ZMAT4: variants seen among roughly 807,000 people sequenced by gnomAD.
ZMAT4 encodes the protein zinc finger matrin-type 4.
In ZMAT4, 17 loss-of-function variants were observed where a neutral mutation model predicts 28.7. The observed-to-expected ratio is 0.59, with a 90% confidence interval of 0.41 to 0.89. The LOEUF (loss-of-function observed/expected upper bound fraction) is 0.89. ZMAT4 is among the 40% of genes least tolerant of loss of function. The pLI is 0.00. For synonymous variants in ZMAT4, 117 were observed against 109.2 expected, an observed-to-expected ratio of 1.07 and a Z score of -0.44; for missense variants, 240 against 283.8, an observed-to-expected ratio of 0.85 and a Z score of 1.11.
chr8:40,831,224 A>T (rs549939463), intron 1 of ZMAT4, among the ~76,000 whole-genome samples: 6 of 152,282 alleles, frequency 3.9e-5, no homozygotes, highest in African/African-American at 1.4e-4. Context: ...TCCTCCTGCC[A>T]GCTGAAACTC....
Position 40,532,163 on chromosome 8 carries a change from C to T in ZMAT4, c.*60G>A, listed in dbSNP as rs538784959. On this transcript the variant is annotated 3_prime_UTR_variant, in exon 7 of 7. Transcript: ENST00000297737. Reference sequence around the variant, plus strand: ...GAAGCCTCCTCTGGTGGTTGATAAGCAATTCTCCACGGCAGAGAAATGCTA... The same window carrying T: ...GAAGCCTCCTCTGGTGGTTGATAAGTAATTCTCCACGGCAGAGAAATGCTA... 1.5e-5 allele frequency: 22 copies of T among 1,498,516 alleles called. No individual in the cohort carries two copies. In the South Asian group the frequency reaches 2.9e-4, roughly 20 times the overall value. 92.8% of individuals were successfully genotyped at this position (1,498,516 alleles called of 1,614,324 possible).
intron 3 of ZMAT4, among the ~76,000 whole-genome samples, chr8:40,729,078 T>C (rs1811425727): frequency 6.6e-6 from 1 of 152,238 alleles, no homozygotes; most frequent in Admixed American, 6.5e-5. Flanking sequence ...TGTTTCTTTG[T>C]TCAACCGTTT....
intron 4 of ZMAT4, among the ~76,000 whole-genome samples, chr8:40,679,928 T>C (rs914760640): frequency 6.6e-6 from 1 of 152,180 alleles, no homozygotes; most frequent in Non-Finnish European, 1.5e-5. Flanking sequence ...TAAAGAAATA[T>C]GGTAACCAAG....
chr8:40,617,342 G>T (rs968923386), intron 5 of ZMAT4, among the ~76,000 whole-genome samples: 1 of 152,188 alleles, frequency 6.6e-6, no homozygotes, highest in African/African-American at 2.4e-5. Context: ...ACCAATCAGT[G>T]CCCCAAGGCT....
Position 40,628,630 on chromosome 8 carries a change from A to T in ZMAT4, c.577+46074T>A, listed in dbSNP as rs370520546. On this transcript the variant is annotated intron_variant, in intron 5 of 6. Coordinates refer to ENST00000297737, the MANE Select transcript of ZMAT4 (RefSeq NM_024645.3). The stretch of plus-strand genomic sequence containing the variant: ...AGGTGTGAAATTTTGTGTGGAAAGG[A>T]GGGAAGGAGGAATTGGTGGAGGGGT... Among the ~76,000 whole-genome samples the T allele has an allele frequency of 1.4e-4, 21 of 152,198 alleles. No individual in the cohort carries two copies. In the East Asian group the frequency reaches 1.9e-3, roughly 14 times the overall value.
chr8:40,798,383 T>G (rs1814683706), intron 2 of ZMAT4, among the ~76,000 whole-genome samples: 1 of 152,216 alleles, frequency 6.6e-6, no homozygotes, highest in African/African-American at 2.4e-5. Flanking sequence ...GCCAGGCTCT[T>G]TAATGTATGA....
At chr8:40,548,943 T>C (rs966217423) in intron 6 of ZMAT4, among the ~76,000 whole-genome samples, 3 of 152,152 alleles carry the variant, frequency 2.0e-5, no homozygotes, top group Non-Finnish European at 2.9e-5. Context: ...CAATACCATT[T>C]GCTATGGTCT....
chr8:40,650,282 A>G (rs1161058163), intron 5 of ZMAT4, among the ~76,000 whole-genome samples: 1 of 152,064 alleles, frequency 6.6e-6, no homozygotes, highest in Non-Finnish European at 1.5e-5. Flanking sequence ...CTACCATCAG[A>G]GAATACTACA....
At chr8:40,544,914 T>C (rs1439395062) in intron 6 of ZMAT4, among the ~76,000 whole-genome samples, 1 of 152,190 alleles carries the variant, frequency 6.6e-6, no homozygotes, top group Non-Finnish European at 1.5e-5. Context: ...TCCTTGAGTG[T>C]AGGCTGGGTC....
intron 1 of ZMAT4, among the ~76,000 whole-genome samples, chr8:40,843,299 T>C (rs1481700994): frequency 6.6e-6 from 1 of 152,196 alleles, no homozygotes; most frequent in East Asian, 1.9e-4. Flanking sequence ...CTCCAGTCAC[T>C]GCTCGACCCC....
intron 6 of ZMAT4, among the ~76,000 whole-genome samples, chr8:40,533,731 A>G (rs151313993): frequency 6.6e-5 from 10 of 152,372 alleles, no homozygotes; most frequent in Non-Finnish European, 1.3e-4. Context: ...TAGCTTTGAA[A>G]TGTTTGAAAT....
chr8:40,682,758 T>C (rs964827890), intron 4 of ZMAT4, among the ~76,000 whole-genome samples: 2 of 152,226 alleles, frequency 1.3e-5, no homozygotes, highest in African/African-American at 4.8e-5. Flanking sequence ...ACTGCATTCA[T>C]ATATCGTCAG....
At chr8:40,825,235 C>T (rs1815988343) in intron 2 of ZMAT4, among the ~76,000 whole-genome samples, 2 of 152,122 alleles carry the variant, frequency 1.3e-5, no homozygotes, top group African/African-American at 4.8e-5. Context: ...GGAGCTGGCA[C>T]AATGCATTGC....
At chr8:40,577,287 A>G (rs986807386) in intron 6 of ZMAT4, among the ~76,000 whole-genome samples, 1 of 152,254 alleles carries the variant, frequency 6.6e-6, no homozygotes, top group African/African-American at 2.4e-5. Flanking sequence ...GTGTCCATCA[A>G]TAGATGAATG....
intron 1 of ZMAT4, among the ~76,000 whole-genome samples, chr8:40,874,649 G>T (rs1817979623): frequency 6.6e-6 from 1 of 152,200 alleles, no homozygotes; most frequent in African/African-American, 2.4e-5. Context: ...TTTCTCTGTA[G>T]CCCTCTCAGG....
At chr8:40,546,003 A>C (rs1343726149) in intron 6 of ZMAT4, among the ~76,000 whole-genome samples, 3 of 151,760 alleles carry the variant, frequency 2.0e-5, no homozygotes, top group Non-Finnish European at 2.9e-5. Context: ...CACCATCAGC[A>C]TCAGGCTGTT....
At chr8:40,580,776 T>C (rs947040965) in intron 6 of ZMAT4, among the ~76,000 whole-genome samples, 4 of 152,222 alleles carry the variant, frequency 2.6e-5, no homozygotes, top group African/African-American at 9.6e-5. Flanking sequence ...GGATTTGTTA[T>C]GTTTCTATAA....
chr8:40,894,067 C>T (rs1458069180), intron 1 of ZMAT4, among the ~76,000 whole-genome samples: 2 of 152,236 alleles, frequency 1.3e-5, no homozygotes, highest in African/African-American at 4.8e-5. Flanking sequence ...GAGAGCACAG[C>T]AGGCAAATTT....
rs185564651 is a variant in ZMAT4 at position 40,602,902 on chromosome 8, T to G, written c.578-21641A>C. Among the ~76,000 whole-genome samples the G allele has an allele frequency of 4.5e-3, 687 of 152,276 alleles. 1 individual carries two copies. Among genetic ancestry groups the G allele is most frequent in the Non-Finnish European group, 7.7e-3 (523 of 67,988 alleles). On this transcript the variant is annotated intron_variant, in intron 5 of 6. Transcript: ENST00000297737. ...GATTATTTCTTTAGCTGTGCAGAAGTTTTTAGTTTAATTAAGTCCCATCCA... is the reference window on the plus strand; with the variant it reads ...GATTATTTCTTTAGCTGTGCAGAAGGTTTTAGTTTAATTAAGTCCCATCCA...
Sources: allele counts gnomAD v4.1 joint callset (sites outside exome capture counted in the v4.1 genomes callset), GRCh38; gene constraint gnomAD v4.1.1; transcripts MANE v1.5; gene names NCBI Gene and HGNC (gene_info 2026-07-23, HGNC 2026-07-21).